CEP192: variants seen among roughly 807,000 people sequenced by gnomAD.
The protein encoded by CEP192 is centrosomal protein 192.
A neutral mutation model predicts 271.8 loss-of-function variants in CEP192; 151 were observed. The observed-to-expected ratio is 0.56, with a 90% confidence interval of 0.49 to 0.64. CEP192 has a LOEUF of 0.64. CEP192 is among the 30% of genes least tolerant of loss of function. The pLI is 0.00. For missense variants in CEP192, 2,910 were observed against 3,020.5 expected, an observed-to-expected ratio of 0.96 and a Z score of 0.86; for synonymous variants, 995 against 1,076.5, an observed-to-expected ratio of 0.92 and a Z score of 1.48.
intron 11 of CEP192, among the ~76,000 whole-genome samples, chr18:13,034,848 C>T (rs1379200599): frequency 6.6e-6 from 1 of 151,568 alleles, no homozygotes; most frequent in Non-Finnish European, 1.5e-5. Context: ...AGCCTGCCTC[C>T]TCTTCTTCCC....
At chr18:13,038,994 A>G (rs900562750) in intron 13 of CEP192, among the ~76,000 whole-genome samples, 2 of 152,256 alleles carry the variant, frequency 1.3e-5, no homozygotes, top group Non-Finnish European at 2.9e-5. Context: ...TTTGAAATAT[A>G]GAAGTGTTTT....
chr18:13,060,204 A>G (rs551568873), intron 21 of CEP192, among the ~76,000 whole-genome samples: 56 of 152,328 alleles, frequency 3.7e-4, no homozygotes, highest in African/African-American at 1.3e-3. Flanking sequence ...GGGATAGTCC[A>G]TTGTTCCTAG....
In CEP192 at chr18:13,018,550, C is replaced by T. The variant is rs1159546229; in HGVS notation, c.860C>T (p.Ser287Leu). 3.2e-6 allele frequency: 5 copies of T among 1,541,896 alleles called. No individual in the cohort carries two copies. Residue 287 changes from serine (S) to leucine (L), a missense_variant, in exon 8 of 45, where the codon TCA (serine) becomes TTA (leucine). Coordinates refer to ENST00000506447, the MANE Select transcript of CEP192 (RefSeq NM_032142.4). Reference protein sequence around the residue: ...ENNSSLISLDSHSSETTHKES... With the variant: ...ENNSSLISLDLHSSETTHKES... ...AACAGCTCTCTGATTTCCCTCGACT[C>T]ACACTCTTCTGAAACAACTCACAAA...
chr18:13,006,957 A>G (rs1264237437), intron 3 of CEP192, among the ~76,000 whole-genome samples: 1 of 152,164 alleles, frequency 6.6e-6, no homozygotes, highest in African/African-American at 2.4e-5. Context: ...GTGGGAAAGA[A>G]GGGTGGGTGC....
At chr18:13,099,050 C>G (rs369503895) in intron 36 of CEP192, among the ~76,000 whole-genome samples, 2 of 152,026 alleles carry the variant, frequency 1.3e-5, no homozygotes, top group African/African-American at 4.8e-5. Context: ...CGTGGCAGCG[C>G]GCGCCTGCAA....
chr18:13,008,706 T>A, intron 4 of CEP192, 75 bp downstream of exon 4: 1 of 1,141,234 alleles, frequency 8.8e-7, no homozygotes, highest in South Asian at 1.9e-5. Context: ...CTTTGGATTT[T>A]TTTTTTTTTT....
intron 17 of CEP192, among the ~76,000 whole-genome samples, chr18:13,051,269 C>T (rs1277490171): frequency 1.3e-5 from 2 of 152,092 alleles, no homozygotes; most frequent in Non-Finnish European, 2.9e-5. Flanking sequence ...CACCTAAAAG[C>T]ATTTGTTCTT....
chr18:13,081,815 C>T (rs1166757232), intron 30 of CEP192, among the ~76,000 whole-genome samples: 1 of 152,174 alleles, frequency 6.6e-6, no homozygotes, highest in Non-Finnish European at 1.5e-5. Context: ...TCTTTGTTCT[C>T]ATTGGTTTCA....
At chr18:13,020,114 A>G (rs1247726447) in intron 9 of CEP192, among the ~76,000 whole-genome samples, 1 of 152,128 alleles carries the variant, frequency 6.6e-6, no homozygotes, top group Non-Finnish European at 1.5e-5. Context: ...CCCAGCTACT[A>G]TCTTAATCAT....
At chr18:13,098,729 C>T (rs958771823) in intron 36 of CEP192, among the ~76,000 whole-genome samples, 6 of 150,696 alleles carry the variant, frequency 4.0e-5, no homozygotes, top group African/African-American at 1.5e-4. Context: ...CCTCACATCC[C>T]AGATGATGGG....
chr18:13,039,705 A>G (rs560257607), intron 13 of CEP192, among the ~76,000 whole-genome samples: 27 of 152,248 alleles, frequency 1.8e-4, no homozygotes, highest in Admixed American at 1.6e-3. Flanking sequence ...TCTCAGATGA[A>G]CTGGGAGGAA....
At position 13,057,463 on chromosome 18, in the gene CEP192, A is replaced by C. The variant is rs912823725; in HGVS notation, c.4109-122A>C. 5 of 1,045,050 alleles carry C rather than the reference A, an allele frequency of 4.8e-6. No homozygotes were observed. In the East Asian group the frequency reaches 1.1e-4, roughly 22 times the overall value. The allele number at this position is 1,045,050 out of a possible 1,614,324, so 64.7% of individuals were successfully genotyped here. On this transcript the variant is annotated intron_variant, in intron 19 of 44. Coordinates refer to ENST00000506447, the MANE Select transcript of CEP192 (RefSeq NM_032142.4). ...CATCAAGGACTCCTTCATCTGGAGCACTTTGACTCTAGCTCTGTGTAAACA... is the reference window on the plus strand; with the variant it reads ...CATCAAGGACTCCTTCATCTGGAGCCCTTTGACTCTAGCTCTGTGTAAACA...
chr18:13,102,242 A>G (rs539336000), intron 38 of CEP192, among the ~76,000 whole-genome samples: 1 of 151,682 alleles, frequency 6.6e-6, no homozygotes, highest in East Asian at 2.0e-4. Flanking sequence ...TGAAAAATAG[A>G]CAGGCCCTGA....
At chr18:13,081,780 G>C (rs1212908519) in intron 30 of CEP192, among the ~76,000 whole-genome samples, 2 of 152,174 alleles carry the variant, frequency 1.3e-5, no homozygotes, top group Non-Finnish European at 2.9e-5. Context: ...ATTTAAATGT[G>C]TCCCAGAGAT....
At chr18:13,006,392 C>A (rs374861465) in intron 3 of CEP192, among the ~76,000 whole-genome samples, 7 of 152,038 alleles carry the variant, frequency 4.6e-5, no homozygotes, top group African/African-American at 1.7e-4. Flanking sequence ...ATGGAAAATA[C>A]AGTATTCATG....
At chr18:13,066,477 G>C (rs139404088) in intron 21 of CEP192, among the ~76,000 whole-genome samples, 1 of 152,182 alleles carries the variant, frequency 6.6e-6, no homozygotes, top group African/African-American at 2.4e-5. Flanking sequence ...CATTCATTGA[G>C]GCTGCTTTTT....
rs891489137 is a variant in CEP192 at position 13,082,219 on chromosome 18, A to G, written c.5617-4798A>G. On this transcript the variant is annotated intron_variant, in intron 30 of 44. Coordinates refer to ENST00000506447, the MANE Select transcript of CEP192 (RefSeq NM_032142.4). ...TGACAGTGGGGTGTTAAAGTCTCCA[A>G]TTATTATTGTCTGGGAGTCTAAGTC... Among the ~76,000 whole-genome samples, 4 of 152,078 alleles carry G rather than the reference A, an allele frequency of 2.6e-5. No individual in the cohort carries two copies. In the South Asian group the frequency reaches 8.3e-4, roughly 32 times the overall value.
chr18:13,105,303 C>T (rs1473899506), intron 40 of CEP192, among the ~76,000 whole-genome samples: 1 of 152,220 alleles, frequency 6.6e-6, no homozygotes, highest in African/African-American at 2.4e-5. Context: ...GTAAAGACCA[C>T]AGACTGCCAG....
chr18:12,991,845 T>C (rs74816655), intron 1 of CEP192, among the ~76,000 whole-genome samples: 5,464 of 152,332 alleles, frequency 0.036, 309 homozygotes, highest in African/African-American at 0.12. Context: ...GTTTCCTTTA[T>C]GTGCCCTGTG....
Sources: allele counts gnomAD v4.1 joint callset (sites outside exome capture counted in the v4.1 genomes callset), GRCh38; gene constraint gnomAD v4.1.1; transcripts MANE v1.5; gene names NCBI Gene and HGNC (gene_info 2026-07-23, HGNC 2026-07-21).